Variants in CREBBP observed in about 807,000 individuals in gnomAD.
CREBBP encodes CREB binding lysine acetyltransferase.
CREBBP carries 19 observed loss-of-function variants against 265.0 expected under a neutral mutation model. That is an observed-to-expected ratio of 0.07 (90% CI 0.05 to 0.11). CREBBP has a LOEUF of 0.11. CREBBP is among the 10% of genes least tolerant of loss of function. The pLI is 1.00. For synonymous variants in CREBBP, 1,457 were observed against 1,223.7 expected (o/e 1.19, Z -3.98); for missense variants, 2,525 against 3,219.0 (o/e 0.78, Z 5.22).
At chr16:3,780,681 C>T (rs769886014) in intron 8 of CREBBP, 51 bp downstream of exon 8, 20 of 1,601,466 alleles carry the variant, frequency 1.2e-5, no homozygotes, top group Non-Finnish European at 8.5e-7. Context: ...AGCCAATGGG[C>T]AACACAGGAA....
intron 16 of CREBBP, among the ~76,000 whole-genome samples, chr16:3,760,292 A>G (rs2052683410): frequency 7.0e-6 from 1 of 143,390 alleles, no homozygotes; most frequent in African/African-American, 2.6e-5. Flanking sequence ...AGGTCTCACT[A>G]TGTTGTCCAA....
chr16:3,744,868 G>A (rs773868609), intron 23 of CREBBP, 26 bp downstream of exon 23: 2 of 1,582,182 alleles, frequency 1.3e-6, no homozygotes, highest in Non-Finnish European at 1.7e-6. Context: ...TGCAGTCCAG[G>A]AAACAGAAAG....
chr16:3,872,370 G>C (rs1206482826), intron 1 of CREBBP, among the ~76,000 whole-genome samples: 2 of 152,132 alleles, frequency 1.3e-5, no homozygotes, highest in Admixed American at 1.3e-4. Context: ...GACCACTCCA[G>C]GACGCCCCGG....
intron 21 of CREBBP, among the ~76,000 whole-genome samples, chr16:3,746,001 C>T (rs752254145): frequency 6.6e-6 from 1 of 152,246 alleles, no homozygotes; most frequent in African/African-American, 2.4e-5. Flanking sequence ...CGGCAGCCCA[C>T]AACCACGGCC....
At chr16:3,813,571 T>C (rs922352077) in intron 2 of CREBBP, among the ~76,000 whole-genome samples, 1 of 152,340 alleles carries the variant, frequency 6.6e-6, no homozygotes, top group East Asian at 1.9e-4. Context: ...AGAATTTGAA[T>C]ACAACAACAC....
chr16:3,824,668 G>A (rs756431207), intron 2 of CREBBP, among the ~76,000 whole-genome samples: 3 of 151,402 alleles, frequency 2.0e-5, no homozygotes, highest in East Asian at 3.9e-4. Context: ...TTGCCTCACC[G>A]AGCCCACACG....
chr16:3,797,574 G>A (rs2053632225), intron 3 of CREBBP, among the ~76,000 whole-genome samples: 4 of 152,008 alleles, frequency 2.6e-5, no homozygotes, highest in Admixed American at 2.0e-4. Context: ...ACAATACACT[G>A]TAATAAAAGC....
intron 5 of CREBBP, among the ~76,000 whole-genome samples, chr16:3,785,703 C>G (rs1426281125): frequency 6.6e-6 from 1 of 152,232 alleles, no homozygotes; most frequent in Non-Finnish European, 1.5e-5. Flanking sequence ...TGAAGTTTCT[C>G]TATTTATCCT....
At chr16:3,738,759 CT>C in intron 25 of CREBBP, 87 bp from the exon 26 acceptor site, 2 of 873,052 alleles carry the variant, frequency 2.3e-6, no homozygotes, top group Admixed American at 4.0e-5. Flanking sequence ...TGGAAGTTTA[CT>C]TTTTAGACAG....
intron 6 of CREBBP, 31 bp downstream of exon 6, chr16:3,782,653 T>C: frequency 1.2e-6 from 2 of 1,612,986 alleles, no homozygotes; most frequent in Non-Finnish European, 1.7e-6. Flanking sequence ...TGTGGACAAG[T>C]AAGAACGAAG....
At chr16:3,742,311 G>A (rs753029944) in intron 23 of CREBBP, 1 of 152,210 alleles carries the variant, frequency 6.6e-6, no homozygotes, top group African/African-American at 2.4e-5. Flanking sequence ...ACTCGATTTG[G>A]CCACTGTTCC....
At chr16:3,858,000 G>A (rs374345516) in intron 1 of CREBBP, among the ~76,000 whole-genome samples, 6 of 152,214 alleles carry the variant, frequency 3.9e-5, no homozygotes, top group African/African-American at 1.4e-4. Flanking sequence ...AAAGGCAACT[G>A]TTTACCAAGC....
intron 2 of CREBBP, among the ~76,000 whole-genome samples, chr16:3,842,380 G>T (rs2054581050): frequency 6.6e-6 from 1 of 152,114 alleles, no homozygotes; most frequent in Non-Finnish European, 1.5e-5. Context: ...GTGTCTGTAC[G>T]GCTTCTAAAT....
intron 5 of CREBBP, chr16:3,784,461 T>G (rs1323769264): frequency 6.6e-6 from 1 of 152,226 alleles, no homozygotes; most frequent in East Asian, 1.9e-4. Flanking sequence ...TTAAAAGTAT[T>G]CTAATACTTA....
chr16:3,880,043 C>G lies in CREBBP; in HGVS notation c.-127G>C. ...CGCGGGCCGCGAGCGGGCGGGCGGG[C>G]GCCGAGGGAGAGGGAGGGCGCAGGC... On this transcript the variant is annotated 5_prime_UTR_variant, in exon 1 of 31. Transcript: ENST00000262367. 1 of 715,350 alleles carries G rather than the reference C, an allele frequency of 1.4e-6. No individual in the cohort carries two copies. Among genetic ancestry groups the G allele is most frequent in the Non-Finnish European group, 1.9e-6 (1 of 522,078 alleles). 44.3% of individuals were successfully genotyped at this position (715,350 alleles called of 1,614,324 possible).
chr16:3,835,570 T>TTTC (rs1400115452), intron 2 of CREBBP, among the ~76,000 whole-genome samples: 4 of 149,938 alleles, frequency 2.7e-5, no homozygotes, highest in Admixed American at 6.6e-5. Flanking sequence ...TCACAGAAGA[T>TTTC]TTCTTCTTTT....
At position 3,726,361 on chromosome 16, in the gene CREBBP, G is replaced by A. The variant is rs1307679221; in HGVS notation, c.*1357C>T. On this transcript the variant is annotated 3_prime_UTR_variant, in exon 31 of 31. Transcript: ENST00000262367. ...TTCAGACCAACTGACGACCCTAACT[G>A]TGTGAGCGACAATCACCTGTGAGCC... is the stretch of plus-strand genomic sequence containing the variant. 2.1e-5 allele frequency: 5 copies of A among 233,174 alleles called. No homozygotes were observed. The highest frequency in any genetic ancestry group is 1.1e-4 in the African/African-American group (5 of 45,302). The allele number at this position is 233,174 out of a possible 1,614,324, so 14.4% of individuals were successfully genotyped here.
At chr16:3,779,322 A>G (rs1326955332) in intron 8 of CREBBP, among the ~76,000 whole-genome samples, 1 of 152,090 alleles carries the variant, frequency 6.6e-6, no homozygotes, top group Non-Finnish European at 1.5e-5. Flanking sequence ...GTACAGGTGC[A>G]CACCACCATG....
At chr16:3,777,528 T>C in intron 11 of CREBBP, 85 bp downstream of exon 11, 1 of 1,381,336 alleles carries the variant, frequency 7.2e-7, no homozygotes, top group Non-Finnish European at 1.0e-6. Flanking sequence ...TAGAAAGAAA[T>C]ATACAGGGGG....
Sources: gnomAD v4.1 joint callset for allele counts (sites outside exome capture counted in the v4.1 genomes callset) on GRCh38, gnomAD v4.1.1 for gene constraint, MANE v1.5 for transcripts, NCBI Gene and HGNC (gene_info 2026-07-23, HGNC 2026-07-21) for gene names.